Variants in WDFY2 observed in about 807,000 individuals in gnomAD.
WDFY2 encodes WD repeat and FYVE domain containing 2.
In WDFY2, 36 loss-of-function variants were observed where a neutral mutation model predicts 56.4. That is an observed-to-expected ratio of 0.64 (90% CI 0.49 to 0.84). The LOEUF (loss-of-function observed/expected upper bound fraction) is 0.84. WDFY2 is among the 40% of genes least tolerant of loss of function. The pLI, the probability that WDFY2 is intolerant of heterozygous loss-of-function variation, is 0.00. For missense variants in WDFY2, 444 were observed against 512.2 expected (o/e 0.87, Z 1.29); for synonymous variants, 176 against 183.7 (o/e 0.96, Z 0.34).
chr13:51,594,683 G>A (rs559237842), intron 1 of WDFY2, among the ~76,000 whole-genome samples: 311 of 152,302 alleles, frequency 2.0e-3, no homozygotes, highest in Middle Eastern at 6.8e-3. Context: ...AATGGGAAAG[G>A]AATCAGATAT....
chr13:51,590,754 C>A, intron 1 of WDFY2: 1 of 151,522 alleles, frequency 6.6e-6, no homozygotes, highest in African/African-American at 2.4e-5. Flanking sequence ...TAGAAATTCC[C>A]TAACAGAGAA....
intron 7 of WDFY2, among the ~76,000 whole-genome samples, chr13:51,746,597 C>A (rs1953110468): frequency 6.6e-6 from 1 of 152,184 alleles, no homozygotes. Context: ...TGAATCGATG[C>A]AAATAACTAT....
At chr13:51,695,086 A>C (rs1163643889) in intron 3 of WDFY2, among the ~76,000 whole-genome samples, 2 of 152,074 alleles carry the variant, frequency 1.3e-5, no homozygotes, top group African/African-American at 4.8e-5. Context: ...CATTCGTCTA[A>C]ATTTTTTTCA....
At chr13:51,614,353 G>C (rs180965932) in intron 1 of WDFY2, among the ~76,000 whole-genome samples, 1 of 152,168 alleles carries the variant, frequency 6.6e-6, no homozygotes, top group Non-Finnish European at 1.5e-5. Flanking sequence ...TTAGATTCTA[G>C]ATTTTGCTGC....
intron 3 of WDFY2, among the ~76,000 whole-genome samples, chr13:51,691,497 A>C (rs2138545907): frequency 6.6e-6 from 1 of 151,316 alleles, no homozygotes; most frequent in East Asian, 1.9e-4. Context: ...GTCAAAGATC[A>C]GATAGTTGTA....
At position 51,606,827 on chromosome 13, in the gene WDFY2, A is replaced by G. The variant is rs534989238; in HGVS notation, c.137+22003A>G. ...TCTTAATTTATGATTCATACTGCCT[A>G]TCTAAATAACAAAATAATAATTTTT... On this transcript the variant is annotated intron_variant, in intron 1 of 11. Transcript: ENST00000298125. Among the ~76,000 whole-genome samples, 11 of 152,266 alleles carry G rather than the reference A, an allele frequency of 7.2e-5. No individual in the cohort carries two copies. The South Asian group carries it at 1.0e-3, about 14-fold the overall frequency.
intron 6 of WDFY2, among the ~76,000 whole-genome samples, chr13:51,737,858 T>C (rs1952876398): frequency 6.6e-6 from 1 of 152,168 alleles, no homozygotes; most frequent in South Asian, 2.1e-4. Context: ...GGAAGCCATG[T>C]TTATTCTTAC....
intron 6 of WDFY2, among the ~76,000 whole-genome samples, chr13:51,735,050 T>G (rs1396451536): frequency 2.0e-5 from 3 of 152,192 alleles, no homozygotes; most frequent in Non-Finnish European, 4.4e-5. Context: ...GAGAAAGAAC[T>G]ATACAGTTCA....
Position 51,649,583 on chromosome 13 carries a change from A to G in WDFY2, c.138-11013A>G, listed in dbSNP as rs190278570. On this transcript the variant is annotated intron_variant, in intron 1 of 11. Transcript: ENST00000298125. ...AATGCTATCCCTCCCCCCACCCCCTACCCCACAATAGGCCCCAGCCCTGGT... is the reference window on the plus strand; with the variant it reads ...AATGCTATCCCTCCCCCCACCCCCTGCCCCACAATAGGCCCCAGCCCTGGT... 7.5e-3 allele frequency among the ~76,000 whole-genome samples: 494 copies of G among 66,056 alleles called. 1 individual carries two copies. Among genetic ancestry groups the G allele is most frequent in the African/African-American group, 0.031 (475 of 15,374 alleles). The allele number at this position is 66,056 out of a possible 152,430, so 43.3% of individuals were successfully genotyped here. A position where few individuals can be genotyped will look rare whatever the true frequency, so the allele number is the denominator to read the frequency against.
chr13:51,696,049 G>C (rs972186927), intron 3 of WDFY2, among the ~76,000 whole-genome samples: 5 of 152,232 alleles, frequency 3.3e-5, no homozygotes, highest in Admixed American at 3.3e-4. Context: ...ATTGGGGTGG[G>C]AGTGACCCGA....
intron 8 of WDFY2, 134 bp from the exon 9 acceptor site, chr13:51,755,224 A>G (rs1425758730): frequency 2.5e-6 from 2 of 797,390 alleles, no homozygotes; most frequent in Non-Finnish European, 4.0e-6. Context: ...TATTTTTTGA[A>G]TGATTGACTG....
At chr13:51,654,975 A>T (rs1038466396) in intron 1 of WDFY2, among the ~76,000 whole-genome samples, 2 of 152,118 alleles carry the variant, frequency 1.3e-5, no homozygotes, top group African/African-American at 4.8e-5. Context: ...ATATATGTAA[A>T]GTGTTTTGGG....
chr13:51,614,057 G>GCACA, intron 1 of WDFY2, among the ~76,000 whole-genome samples: 1 of 151,664 alleles, frequency 6.6e-6, no homozygotes. Context: ...CTGGTGGTGG[G>GCACA]CGCCTGTAAT....
chr13:51,671,477 C>T (rs550729904), intron 2 of WDFY2, among the ~76,000 whole-genome samples: 6 of 151,978 alleles, frequency 3.9e-5, no homozygotes, highest in African/African-American at 7.3e-5. Flanking sequence ...TGATGTTGAG[C>T]GATTTTTCAA....
At chr13:51,721,194 A>G (rs117913052) in intron 5 of WDFY2, among the ~76,000 whole-genome samples, 3,110 of 152,248 alleles carry the variant, frequency 0.02, 38 homozygotes, top group Middle Eastern at 0.034. Context: ...AAAGGGTCCT[A>G]TGTCTTATCT....
intron 6 of WDFY2, among the ~76,000 whole-genome samples, chr13:51,731,210 CTCTAAAGTAA>C (rs1176874705): frequency 1.3e-5 from 2 of 152,182 alleles, no homozygotes; most frequent in African/African-American, 2.4e-5. Flanking sequence ...GACTTCTTGA[CTCTAAAGTAA>C]TCAGGCACTC....
chr13:51,688,133 G>A (rs1275387296), intron 3 of WDFY2, among the ~76,000 whole-genome samples: 3 of 152,208 alleles, frequency 2.0e-5, no homozygotes, highest in African/African-American at 7.2e-5. Context: ...TGTTCAGTCA[G>A]TACACAGTTG....
chr13:51,734,475 G>C (rs1952792274), intron 6 of WDFY2, among the ~76,000 whole-genome samples: 1 of 152,166 alleles, frequency 6.6e-6, no homozygotes. Context: ...TTATATTTAT[G>C]AGAGTATATA....
chr13:51,715,462 CTG>C (rs1226122585), intron 4 of WDFY2, among the ~76,000 whole-genome samples: 1 of 152,168 alleles, frequency 6.6e-6, no homozygotes, highest in Non-Finnish European at 1.5e-5. Context: ...ATCAGTATCA[CTG>C]TCTTCCATCT....
Sources: gnomAD v4.1 joint callset for allele counts (sites outside exome capture counted in the v4.1 genomes callset) on GRCh38, gnomAD v4.1.1 for gene constraint, MANE v1.5 for transcripts, NCBI Gene and HGNC (gene_info 2026-07-23, HGNC 2026-07-21) for gene names.